The following TMEM108 variants were observed in gnomAD, a reference collection of about 807,000 sequenced individuals.
TMEM108 encodes cancer/testis antigen 124.
Under a neutral mutation model 35.1 loss-of-function variants are expected in TMEM108, and 12 were observed. The observed-to-expected ratio is 0.34, with a 90% CI of 0.22 to 0.55. The LOEUF (loss-of-function observed/expected upper bound fraction) is 0.55. TMEM108 is among the 20% of genes least tolerant of loss of function. The probability of loss-of-function intolerance (pLI) is 0.89; values close to 1 mark genes in which losing one functional copy is unlikely to be tolerated. For synonymous variants in TMEM108, 287 were observed against 308.6 expected (o/e 0.93, Z 0.73); for missense variants, 680 against 753.3 (o/e 0.90, Z 1.14).
intron 3 of TMEM108, among the ~76,000 whole-genome samples, chr3:133,332,732 G>A (rs1224704549): frequency 2.6e-5 from 4 of 152,140 alleles, no homozygotes; most frequent in Non-Finnish European, 5.9e-5. Flanking sequence ...CAATCAGCTC[G>A]ATTCAGTCTT....
chr3:133,146,838 A>G (rs1216253714), intron 2 of TMEM108, among the ~76,000 whole-genome samples: 2 of 152,086 alleles, frequency 1.3e-5, no homozygotes, highest in Admixed American at 6.6e-5. Flanking sequence ...TATTGTGTCT[A>G]TTTGATTCTT....
intron 2 of TMEM108, among the ~76,000 whole-genome samples, chr3:133,219,228 G>A (rs1945952815): frequency 6.6e-6 from 1 of 151,966 alleles, no homozygotes; most frequent in African/African-American, 2.4e-5. Context: ...TCATTGTAAT[G>A]TCTTTTCTTT....
At chr3:133,058,499 C>T (rs1943499413) in intron 2 of TMEM108, among the ~76,000 whole-genome samples, 1 of 152,244 alleles carries the variant, frequency 6.6e-6, no homozygotes, top group Non-Finnish European at 1.5e-5. Context: ...GTCTAGGGTT[C>T]CCTTCCTGTC....
chr3:133,279,012 C>A (rs533060758), intron 3 of TMEM108, among the ~76,000 whole-genome samples: 36 of 152,174 alleles, frequency 2.4e-4, no homozygotes, highest in African/African-American at 8.4e-4. Flanking sequence ...CTTGAGGTGG[C>A]GCCTTTAAAG....
intron 2 of TMEM108, among the ~76,000 whole-genome samples, chr3:133,091,585 A>G (rs1943947365): frequency 6.6e-6 from 1 of 152,258 alleles, no homozygotes; most frequent in South Asian, 2.1e-4. Flanking sequence ...AATTAGTATC[A>G]TACTTGAAAA....
chr3:133,347,240 C>G (rs924043676), intron 3 of TMEM108, among the ~76,000 whole-genome samples: 2 of 152,090 alleles, frequency 1.3e-5, no homozygotes, highest in African/African-American at 4.8e-5. Context: ...CTGACATCTT[C>G]ACAATATTGA....
intron 1 of TMEM108, among the ~76,000 whole-genome samples, chr3:133,044,059 G>A (rs1321050556): frequency 1.3e-5 from 2 of 152,186 alleles, no homozygotes; most frequent in African/African-American, 4.8e-5. Flanking sequence ...CCATGTTGGT[G>A]AATTCACCTG....
rs1175918768 is a variant in TMEM108, at chr3:133,229,255, C to A, written c.-46-11C>A. ...CTCAGATGTAACAATTTTCTTCTCC[C>A]AATTTCCTAGACAGAATCATGAATA... is the stretch of plus-strand genomic sequence containing the variant. On this transcript the variant is annotated splice_polypyrimidine_tract_variant and intron_variant, in intron 2 of 5. Coordinates refer to ENST00000321871, the MANE Select transcript of TMEM108 (RefSeq NM_023943.4). 1.9e-6 allele frequency: 3 copies of A among 1,559,094 alleles called. No homozygotes were observed. Among genetic ancestry groups the A allele is most frequent in the African/African-American group, 1.4e-5 (1 of 72,942 alleles).
chr3:133,199,946 C>T (rs1945637011), intron 2 of TMEM108, among the ~76,000 whole-genome samples: 1 of 152,148 alleles, frequency 6.6e-6, no homozygotes, highest in Non-Finnish European at 1.5e-5. Context: ...CTTTGTTTAC[C>T]TACTCAAGCC....
chr3:133,186,316 T>G (rs780837515), intron 2 of TMEM108, among the ~76,000 whole-genome samples: 10 of 152,210 alleles, frequency 6.6e-5, no homozygotes, highest in Non-Finnish European at 1.0e-4. Flanking sequence ...GAGAGAATGG[T>G]TGCTTAACAG....
At chr3:133,089,424 A>G (rs1943921630) in intron 2 of TMEM108, among the ~76,000 whole-genome samples, 1 of 152,210 alleles carries the variant, frequency 6.6e-6, no homozygotes. Context: ...TTGAAAGAAA[A>G]TGCATATGAA....
At chr3:133,389,311 A>T in intron 4 of TMEM108, 1 of 985,502 alleles carries the variant, frequency 1.0e-6, no homozygotes, top group Non-Finnish European at 1.2e-6. Flanking sequence ...TGCTCAGTCA[A>T]GCTGTGTGGA....
chr3:133,050,170 A>G (rs1366008473), intron 2 of TMEM108, among the ~76,000 whole-genome samples: 5 of 152,182 alleles, frequency 3.3e-5, no homozygotes, highest in Non-Finnish European at 1.5e-5. Flanking sequence ...AATAGGAATA[A>G]GGAGTTTGTG....
At chr3:133,203,782 T>A (rs763283388) in intron 2 of TMEM108, among the ~76,000 whole-genome samples, 4 of 152,146 alleles carry the variant, frequency 2.6e-5, no homozygotes, top group Non-Finnish European at 4.4e-5. Context: ...CCTGCCAGAT[T>A]TTGGTATCAG....
At chr3:133,363,847 C>A (rs553969374) in intron 3 of TMEM108, among the ~76,000 whole-genome samples, 3 of 152,232 alleles carry the variant, frequency 2.0e-5, no homozygotes, top group African/African-American at 7.2e-5. Context: ...AAAAATAATT[C>A]AACATGTAAT....
In TMEM108 at chr3:133,361,554, G is replaced by A. The variant is rs76266098; in HGVS notation, c.41-18198G>A. On this transcript the variant is annotated intron_variant, in intron 3 of 5. Coordinates refer to ENST00000321871, the MANE Select transcript of TMEM108 (RefSeq NM_023943.4). ...GTGTGCAATCTGGAAAATACTTAGTGGGGACAGCTTGTCTCGGCTTCCGTT... is the reference window on the plus strand; with the variant it reads ...GTGTGCAATCTGGAAAATACTTAGTAGGGACAGCTTGTCTCGGCTTCCGTT... Among the ~76,000 whole-genome samples the A allele has an allele frequency of 1.2e-4, 18 of 152,288 alleles. No individual in the cohort carries two copies. In the East Asian group the frequency reaches 3.5e-3, roughly 29 times the overall value.
chr3:133,366,810 T>A (rs73209824), intron 3 of TMEM108, among the ~76,000 whole-genome samples: 6,837 of 152,254 alleles, frequency 0.045, 190 homozygotes, highest in Non-Finnish European at 0.064. Context: ...ACAGGGAAAT[T>A]GATTAGTACA....
At chr3:133,045,092 C>T (rs932169740) in intron 1 of TMEM108, among the ~76,000 whole-genome samples, 20 of 151,914 alleles carry the variant, frequency 1.3e-4, no homozygotes, top group African/African-American at 3.6e-4. Flanking sequence ...CTCAGCCTCC[C>T]GAGTAGCTGG....
At position 133,381,992 on chromosome 3, in the gene TMEM108, A is replaced by G. The variant is rs201906666; in HGVS notation, c.1450+831A>G. On this transcript the variant is annotated intron_variant, in intron 4 of 5. Transcript: ENST00000321871. ...GGCACTCTGTGAATGAGGAGTCAGG[A>G]GGCATTCTCTCTGTATTCTCCATAA... 4.6e-5 allele frequency among the ~76,000 whole-genome samples: 7 copies of G among 152,234 alleles called. No homozygotes were observed. The East Asian group carries it at 1.4e-3, about 29-fold the overall frequency.
Sources: gnomAD v4.1 joint callset for allele counts (sites outside exome capture counted in the v4.1 genomes callset) on GRCh38, gnomAD v4.1.1 for gene constraint, MANE v1.5 for transcripts, NCBI Gene and HGNC (gene_info 2026-07-23, HGNC 2026-07-21) for gene names.